The following PTPRD variants were observed in gnomAD, a reference collection of about 807,000 sequenced individuals.
PTPRD encodes the protein receptor-type tyrosine-protein phosphatase delta.
A neutral mutation model predicts 214.5 loss-of-function variants in PTPRD; 34 were observed. The ratio of observed to expected loss-of-function variants is 0.16; its 90% confidence interval spans 0.12 to 0.21. The LOEUF is 0.21. PTPRD is among the 10% of genes least tolerant of loss of function. The pLI, the probability that PTPRD is intolerant of heterozygous loss-of-function variation, is 1.00. For missense variants in PTPRD, 2,545 were observed against 2,398.7 expected, an observed-to-expected ratio of 1.06 and a Z score of -1.27; for synonymous variants, 1,128 against 845.7, an observed-to-expected ratio of 1.33 and a Z score of -5.79.
chr9:8,446,815 A>G (rs1430085559), intron 34 of PTPRD, among the ~76,000 whole-genome samples: 1 of 152,228 alleles, frequency 6.6e-6, no homozygotes, highest in African/African-American at 2.4e-5. Flanking sequence ...TTCATTATCC[A>G]AGAAAACCCT....
intron 4 of PTPRD, among the ~76,000 whole-genome samples, chr9:9,978,201 T>G (rs144437327): frequency 3.2e-3 from 488 of 152,150 alleles, no homozygotes; most frequent in Admixed American, 5.2e-3. Flanking sequence ...TGAAAAGAGA[T>G]AAGATAATCA....
chr9:9,850,291 C>A (rs1015130242), intron 5 of PTPRD, among the ~76,000 whole-genome samples: 1 of 152,104 alleles, frequency 6.6e-6, no homozygotes, highest in Non-Finnish European at 1.5e-5. Context: ...AGAAGTCATG[C>A]TGGAGACAGG....
At chr9:9,886,936 G>A (rs1039725501) in intron 5 of PTPRD, among the ~76,000 whole-genome samples, 2 of 152,186 alleles carry the variant, frequency 1.3e-5, no homozygotes, top group South Asian at 2.1e-4. Context: ...AGATGCTCCA[G>A]TTCTTGTCTG....
intron 11 of PTPRD, among the ~76,000 whole-genome samples, chr9:8,889,167 G>C (rs897371009): frequency 4.6e-5 from 7 of 152,102 alleles, no homozygotes; most frequent in Non-Finnish European, 8.8e-5. Context: ...GTCTAGGATG[G>C]CTTCCCAGAT....
At chr9:8,554,707 A>ATT (rs1480238229) in intron 14 of PTPRD, among the ~76,000 whole-genome samples, 4 of 152,226 alleles carry the variant, frequency 2.6e-5, no homozygotes, top group Non-Finnish European at 4.4e-5. Flanking sequence ...ATCCTGGGAT[A>ATT]AGAATTCATT....
At chr9:9,639,387 T>C (rs557553546) in intron 7 of PTPRD, among the ~76,000 whole-genome samples, 31 of 152,326 alleles carry the variant, frequency 2.0e-4, no homozygotes, top group Admixed American at 5.9e-4. Context: ...GGGATATTCA[T>C]TGTTTCCCTT....
intron 11 of PTPRD, among the ~76,000 whole-genome samples, chr9:8,833,558 T>A (rs1190684725): frequency 6.6e-6 from 1 of 151,704 alleles, no homozygotes; most frequent in Non-Finnish European, 1.5e-5. Flanking sequence ...TCTCACTTGT[T>A]AGGGCTGGAT....
At chr9:9,829,478 C>A (rs1157549340) in intron 5 of PTPRD, among the ~76,000 whole-genome samples, 1 of 151,708 alleles carries the variant, frequency 6.6e-6, no homozygotes, top group Non-Finnish European at 1.5e-5. Flanking sequence ...TTAATGTGGT[C>A]AAATGATGAT....
chr9:10,447,920 G>A (rs1470700059), intron 2 of PTPRD, among the ~76,000 whole-genome samples: 1 of 152,010 alleles, frequency 6.6e-6, no homozygotes, highest in Non-Finnish European at 1.5e-5. Flanking sequence ...CCTATGTGCT[G>A]AGAATATTGA....
Position 10,411,527 on chromosome 9 carries a change from T to C in PTPRD, c.-599-70510A>G, listed in dbSNP as rs538952550. ...TGATATTCAGAAAGTGTTGGAAACC[T>C]GTGTCTTAAACTTGGCAGATTCACC... is the stretch of plus-strand genomic sequence containing the variant. On this transcript the variant is annotated intron_variant, in intron 2 of 45. Coordinates refer to ENST00000381196, the MANE Select transcript of PTPRD (RefSeq NM_002839.4). Among the ~76,000 whole-genome samples, 22 of 151,922 alleles carry C rather than the reference T, an allele frequency of 1.4e-4. No homozygotes were observed. In the South Asian group the frequency reaches 2.7e-3, roughly 19 times the overall value.
intron 11 of PTPRD, among the ~76,000 whole-genome samples, chr9:8,895,651 G>A (rs1268626112): frequency 6.6e-6 from 1 of 152,144 alleles, no homozygotes; most frequent in Non-Finnish European, 1.5e-5. Context: ...TTAATGCTCA[G>A]ATAATCCCAG....
At chr9:10,400,327 A>G (rs1472838105) in intron 2 of PTPRD, among the ~76,000 whole-genome samples, 1 of 151,862 alleles carries the variant, frequency 6.6e-6, no homozygotes, top group African/African-American at 2.4e-5. Flanking sequence ...TGTGGTTATT[A>G]TATTATTACT....
rs1274514235 is a variant in PTPRD at position 10,453,091 on chromosome 9, T to C, written c.-599-112074A>G. 2.0e-5 allele frequency among the ~76,000 whole-genome samples: 3 copies of C among 151,836 alleles called. No individual in the cohort carries two copies. The East Asian group carries it at 5.8e-4, about 29-fold the overall frequency. On this transcript the variant is annotated intron_variant, in intron 2 of 45. Coordinates refer to ENST00000381196, the MANE Select transcript of PTPRD (RefSeq NM_002839.4). ...TGATCATCCTATCTTTTCTCCATTG[T>C]ATATTCTTTAAGCTCTTGTCAAGGA...
intron 9 of PTPRD, among the ~76,000 whole-genome samples, chr9:9,187,504 T>A (rs1197640467): frequency 1.3e-5 from 2 of 152,080 alleles, no homozygotes; most frequent in Non-Finnish European, 2.9e-5. Context: ...GACAGATGAA[T>A]AAGAGAGTGT....
rs181570294 is a variant in PTPRD at position 10,445,664 on chromosome 9, G to C, written c.-599-104647C>G. 1.2e-3 allele frequency among the ~76,000 whole-genome samples: 180 copies of C among 152,146 alleles called. 1 individual carries two copies. The highest frequency in any genetic ancestry group is 4.1e-3 in the African/African-American group (169 of 41,548). On this transcript the variant is annotated intron_variant, in intron 2 of 45. Transcript: ENST00000381196. ...AAGATAGAGTGAGTCAGGGACAAGG[G>C]CTGGCTTGAGAACAGTGGCTGAGCA...
At chr9:10,385,927 C>CA (rs2097906303) in intron 2 of PTPRD, among the ~76,000 whole-genome samples, 3 of 151,630 alleles carry the variant, frequency 2.0e-5, no homozygotes, top group African/African-American at 7.3e-5. Flanking sequence ...ATAATACTAG[C>CA]AAAAAATCAC....
intron 33 of PTPRD, among the ~76,000 whole-genome samples, chr9:8,451,320 A>C (rs1415926790): frequency 1.3e-5 from 2 of 152,200 alleles, no homozygotes; most frequent in Non-Finnish European, 2.9e-5. Context: ...TGTCAGATAC[A>C]GCCTTGGGAC....
At chr9:9,059,739 T>A (rs1040528106) in intron 10 of PTPRD, among the ~76,000 whole-genome samples, 2 of 152,024 alleles carry the variant, frequency 1.3e-5, no homozygotes, top group African/African-American at 4.8e-5. Flanking sequence ...GGTTCTTAGA[T>A]ACAAGGTAAA....
At chr9:8,827,005 C>A (rs1008830549) in intron 11 of PTPRD, among the ~76,000 whole-genome samples, 1 of 151,990 alleles carries the variant, frequency 6.6e-6, no homozygotes, top group Non-Finnish European at 1.5e-5. Flanking sequence ...CTCACTCTTT[C>A]AGTCAAACTC....
Sources: gnomAD v4.1 joint callset for allele counts (sites outside exome capture counted in the v4.1 genomes callset) on GRCh38, gnomAD v4.1.1 for gene constraint, MANE v1.5 for transcripts, NCBI Gene and HGNC (gene_info 2026-07-23, HGNC 2026-07-21) for gene names.